Variants in EXOC4 observed in about 807,000 individuals in gnomAD.
The protein encoded by EXOC4 is exocyst complex component 4, also known as SEC8-like 1.
A neutral mutation model predicts 107.2 loss-of-function variants in EXOC4; 71 were observed. The ratio of observed to expected loss-of-function variants is 0.66; its 90% CI spans 0.55 to 0.81. The LOEUF is 0.81. Ranked by LOEUF, EXOC4 falls within the 30% of genes least tolerant of loss-of-function variation. The pLI, the probability that EXOC4 is intolerant of heterozygous loss-of-function variation, is 0.00. For missense variants in EXOC4, 1,108 were observed against 1,189.6 expected, an observed-to-expected ratio of 0.93 and a Z score of 1.01; for synonymous variants, 456 against 441.2, an observed-to-expected ratio of 1.03 and a Z score of -0.42.
intron 7 of EXOC4, among the ~76,000 whole-genome samples, chr7:133,470,635 G>A (rs910212757): frequency 9.2e-5 from 14 of 152,084 alleles, no homozygotes; most frequent in African/African-American, 3.4e-4. Flanking sequence ...TACCTTTTAA[G>A]TTGACACACC....
At chr7:133,462,297 C>T (rs1408333832) in intron 7 of EXOC4, among the ~76,000 whole-genome samples, 1 of 152,102 alleles carries the variant, frequency 6.6e-6, no homozygotes, top group Non-Finnish European at 1.5e-5. Context: ...TGAGTGTCAG[C>T]CTACTGGTGG....
In EXOC4 at chr7:133,403,453, C is replaced by T. The variant is rs1348528658; in HGVS notation, c.1182+28451C>T. Reference sequence around the variant, plus strand: ...ACCCAGAGCTGAAGTTCAGAACTTCCTTGTTGATTGTCAGTGTTAGTAGGA... The same window carrying T: ...ACCCAGAGCTGAAGTTCAGAACTTCTTTGTTGATTGTCAGTGTTAGTAGGA... On this transcript the variant is annotated intron_variant, in intron 7 of 17. Coordinates refer to ENST00000253861, the MANE Select transcript of EXOC4 (RefSeq NM_021807.4). Among the ~76,000 whole-genome samples the T allele has an allele frequency of 1.3e-5, 2 of 152,126 alleles. 1 individual carries two copies. The highest frequency in any genetic ancestry group is 4.1e-4 in the South Asian group (2 of 4,822).
chr7:133,753,357 C>T (rs763835709), intron 10 of EXOC4, among the ~76,000 whole-genome samples: 2 of 152,138 alleles, frequency 1.3e-5, no homozygotes, highest in Non-Finnish European at 2.9e-5. Flanking sequence ...CTTTGTGTTA[C>T]TAGCATTGAC....
intron 9 of EXOC4, among the ~76,000 whole-genome samples, chr7:133,589,039 A>G (rs1563118488): frequency 6.6e-6 from 1 of 152,164 alleles, no homozygotes; most frequent in Admixed American, 6.5e-5. Context: ...TAAAAGATAC[A>G]AAATAAAAAT....
intron 14 of EXOC4, among the ~76,000 whole-genome samples, chr7:133,963,858 A>G (rs977592524): frequency 2.6e-5 from 4 of 152,192 alleles, no homozygotes; most frequent in African/African-American, 9.7e-5. Context: ...CATTATCTAC[A>G]TAAGACATGA....
chr7:133,498,926 T>C (rs980075778), intron 9 of EXOC4, among the ~76,000 whole-genome samples: 25 of 152,192 alleles, frequency 1.6e-4, no homozygotes, highest in African/African-American at 4.6e-4. Flanking sequence ...ATACATGGAA[T>C]TGGCTTCCTT....
chr7:133,661,272 C>T lies in EXOC4; in HGVS notation c.1514+31131C>T, dbSNP rs1341804647. On this transcript the variant is annotated intron_variant, in intron 10 of 17. Coordinates refer to ENST00000253861, the MANE Select transcript of EXOC4 (RefSeq NM_021807.4). ...GAGAATTAACTGCTTAAAGAACTGCCTTCTGGAGGGAGAAGAGCACAAGAT... is the reference window on the plus strand; with the variant it reads ...GAGAATTAACTGCTTAAAGAACTGCTTTCTGGAGGGAGAAGAGCACAAGAT... Among the ~76,000 whole-genome samples the T allele has an allele frequency of 3.3e-5, 5 of 152,066 alleles. No homozygotes were observed. The South Asian group carries it at 6.2e-4, about 19-fold the overall frequency.
At chr7:133,319,774 C>G (rs1357730635) in intron 5 of EXOC4, among the ~76,000 whole-genome samples, 2 of 151,288 alleles carry the variant, frequency 1.3e-5, no homozygotes, top group South Asian at 4.2e-4. Flanking sequence ...GCTACCATGC[C>G]TGGCCAGACG....
At chr7:133,663,056 G>T (rs558048357) in intron 10 of EXOC4, among the ~76,000 whole-genome samples, 1 of 152,268 alleles carries the variant, frequency 6.6e-6, no homozygotes, top group East Asian at 1.9e-4. Context: ...TTTCTGTGCA[G>T]TGTCTCCTAG....
chr7:133,587,139 C>A (rs531168677), intron 9 of EXOC4, among the ~76,000 whole-genome samples: 1 of 152,120 alleles, frequency 6.6e-6, no homozygotes, highest in Admixed American at 6.6e-5. Context: ...TGGCCCTGAT[C>A]CCATTTTTAT....
the EXOC4 span, among the ~76,000 whole-genome samples, chr7:134,084,031 TC>T: frequency 6.6e-6 from 1 of 152,174 alleles, no homozygotes; most frequent in Admixed American, 6.5e-5. Context: ...ACAGAAAGGA[TC>T]CCTTATGCTA....
chr7:133,322,868 GT>G (rs1795147170), intron 5 of EXOC4, among the ~76,000 whole-genome samples: 1 of 151,622 alleles, frequency 6.6e-6, no homozygotes. Flanking sequence ...ATGTTTTTCC[GT>G]TTGTGTCCTC....
chr7:133,714,613 G>A (rs1263394176), intron 10 of EXOC4, among the ~76,000 whole-genome samples: 1 of 152,202 alleles, frequency 6.6e-6, no homozygotes, highest in Admixed American at 6.5e-5. Context: ...CATTGCATCT[G>A]TATTGAGCAT....
chr7:133,489,890 C>A (rs931597909), intron 9 of EXOC4, among the ~76,000 whole-genome samples: 6 of 152,186 alleles, frequency 3.9e-5, no homozygotes, highest in Non-Finnish European at 8.8e-5. Context: ...GTCACAGGGC[C>A]ACCCAAAATA....
intron 9 of EXOC4, among the ~76,000 whole-genome samples, chr7:133,601,345 A>ATGTATGTG (rs1244158961): frequency 6.6e-6 from 1 of 151,982 alleles, no homozygotes; most frequent in Non-Finnish European, 1.5e-5. Context: ...GTATGTATGT[A>ATGTATGTG]TGTATGTGTG....
intron 11 of EXOC4, among the ~76,000 whole-genome samples, chr7:133,856,603 A>G (rs1798378507): frequency 1.3e-5 from 2 of 152,194 alleles, no homozygotes; most frequent in Admixed American, 6.5e-5. Context: ...CATCTTCCAT[A>G]CATTTTATAC....
At chr7:133,684,056 A>C (rs933633563) in intron 10 of EXOC4, among the ~76,000 whole-genome samples, 5 of 152,132 alleles carry the variant, frequency 3.3e-5, no homozygotes, top group Admixed American at 3.3e-4. Context: ...TTAAATATTT[A>C]TTGTTCTGCC....
the EXOC4 span, among the ~76,000 whole-genome samples, chr7:134,094,356 G>C: frequency 1.3e-5 from 2 of 152,046 alleles, no homozygotes; most frequent in African/African-American, 4.8e-5. Flanking sequence ...TCCTAAAACT[G>C]AATCAGGAAG....
chr7:133,958,726 T>C (rs1488276154), intron 14 of EXOC4, among the ~76,000 whole-genome samples: 1 of 152,196 alleles, frequency 6.6e-6, no homozygotes, highest in Non-Finnish European at 1.5e-5. Flanking sequence ...TAGGATATAT[T>C]TACCCTCAGA....
Sources: allele counts gnomAD v4.1 joint callset (sites outside exome capture counted in the v4.1 genomes callset), GRCh38; gene constraint gnomAD v4.1.1; transcripts MANE v1.5; gene names NCBI Gene and HGNC (gene_info 2026-07-23, HGNC 2026-07-21).